The following ZNF407 variants were observed in gnomAD, a reference collection of about 807,000 sequenced individuals.
ZNF407 encodes the protein zinc finger protein 407.
ZNF407 carries 17 observed loss-of-function variants against 131.2 expected under a neutral mutation model. The observed-to-expected ratio is 0.13, with a 90% confidence interval of 0.09 to 0.19. ZNF407 has a LOEUF of 0.19. Among genes scored for constraint, ZNF407 ranks in the 10% least tolerant of loss-of-function variants. The pLI, the probability that ZNF407 is intolerant of heterozygous loss-of-function variation, is 1.00. For missense variants in ZNF407, 2,681 were observed against 2,830.6 expected (o/e 0.95, Z 1.20); for synonymous variants, 1,156 against 1,062.0 (o/e 1.09, Z -1.72).
chr18:74,634,765 T>G lies in ZNF407; in HGVS notation c.3746T>G (p.Leu1249Arg). Residue 1249 changes from leucine (L) to arginine (R), a missense_variant, in exon 2 of 9, where the codon CTG (leucine) becomes CGG (arginine). Leu to Arg is a moderately radical substitution (Grantham distance 102). Transcript: ENST00000299687. ...DGGGVVPHRH[L>R]CPVTLDGERS... Reference sequence around the variant, plus strand: ...GGAGGTGTTGTCCCCCACAGACACCTGTGCCCTGTGACGCTCGATGGGGAG... The same window carrying G: ...GGAGGTGTTGTCCCCCACAGACACCGGTGCCCTGTGACGCTCGATGGGGAG... 1 of 1,614,058 alleles carries G rather than the reference T, an allele frequency of 6.2e-7. No individual in the cohort carries two copies. The highest frequency in any genetic ancestry group is 8.5e-7 in the Non-Finnish European group (1 of 1,179,904).
chr18:74,717,919 G>C (rs993797847), intron 3 of ZNF407, among the ~76,000 whole-genome samples: 7 of 152,140 alleles, frequency 4.6e-5, no homozygotes, highest in African/African-American at 1.7e-4. Context: ...TGGATTTTCA[G>C]ATTAGGGATA....
chr18:74,828,468 C>A (rs892277823), intron 4 of ZNF407, among the ~76,000 whole-genome samples: 6 of 152,126 alleles, frequency 3.9e-5, no homozygotes, highest in African/African-American at 1.2e-4. Flanking sequence ...TTATATCTGA[C>A]GAGGCTGCTA....
At chr18:74,954,226 C>T (rs1203017352) in intron 8 of ZNF407, among the ~76,000 whole-genome samples, 1 of 152,118 alleles carries the variant, frequency 6.6e-6, no homozygotes, top group Admixed American at 6.5e-5. Flanking sequence ...TCTCAAAAAC[C>T]AACTTACCCA....
chr18:74,623,288 T>C (rs1295856990), intron 1 of ZNF407, among the ~76,000 whole-genome samples: 2 of 151,178 alleles, frequency 1.3e-5, no homozygotes, highest in Non-Finnish European at 3.0e-5. Context: ...GACTGCGTGT[T>C]TGAGTGCAAG....
chr18:74,713,758 A>G (rs1235483532), intron 3 of ZNF407, among the ~76,000 whole-genome samples: 1 of 152,148 alleles, frequency 6.6e-6, no homozygotes, highest in East Asian at 1.9e-4. Flanking sequence ...CTGTTTTTTT[A>G]AATTACTATT....
chr18:74,716,358 C>T (rs564338604), intron 3 of ZNF407, among the ~76,000 whole-genome samples: 3 of 152,284 alleles, frequency 2.0e-5, no homozygotes, highest in African/African-American at 4.8e-5. Flanking sequence ...TTATATTCCT[C>T]TTATTTCTAG....
chr18:74,844,540 A>G (rs1369035157), intron 4 of ZNF407, among the ~76,000 whole-genome samples: 2 of 152,332 alleles, frequency 1.3e-5, no homozygotes, highest in East Asian at 3.9e-4. Context: ...AGTAAGTTAA[A>G]TTAATACTTG....
In ZNF407 at chr18:74,997,898, A is replaced by G. The variant is rs1972798154; in HGVS notation, c.5429-65252A>G. Among the ~76,000 whole-genome samples, 3 of 152,290 alleles carry G rather than the reference A, an allele frequency of 2.0e-5. No individual in the cohort carries two copies. In the South Asian group the frequency reaches 6.2e-4, roughly 32 times the overall value. On this transcript the variant is annotated intron_variant, in intron 8 of 8. Coordinates refer to ENST00000299687, the MANE Select transcript of ZNF407 (RefSeq NM_017757.3). ...AGACATTTTTTCTACTCAATCTTAA[A>G]TTGATCACATGGCTCTGTTGTTCTT...
intron 1 of ZNF407, among the ~76,000 whole-genome samples, chr18:74,603,223 TTGA>T (rs1982659141): frequency 6.6e-6 from 1 of 152,078 alleles, no homozygotes; most frequent in African/African-American, 2.4e-5. Flanking sequence ...GCTATGAGAG[TTGA>T]TGATAAGGAA....
chr18:74,813,362 C>T (rs1159865635), intron 4 of ZNF407, among the ~76,000 whole-genome samples: 1 of 152,162 alleles, frequency 6.6e-6, no homozygotes, highest in African/African-American at 2.4e-5. Context: ...CTCTGCGCAG[C>T]TTCAGATCCA....
chr18:74,617,895 A>C (rs1225692737), intron 1 of ZNF407, among the ~76,000 whole-genome samples: 1 of 152,148 alleles, frequency 6.6e-6, no homozygotes, highest in African/African-American at 2.4e-5. Context: ...TTCTTGCTTG[A>C]TATGGTCTTT....
chr18:75,007,674 A>C (rs551867766), intron 8 of ZNF407, among the ~76,000 whole-genome samples: 2 of 152,304 alleles, frequency 1.3e-5, no homozygotes, highest in African/African-American at 4.8e-5. Flanking sequence ...TAATTGGTTC[A>C]ATTTTCTGAT....
chr18:74,973,566 T>C (rs1972496272), intron 8 of ZNF407, among the ~76,000 whole-genome samples: 1 of 152,216 alleles, frequency 6.6e-6, no homozygotes, highest in South Asian at 2.1e-4. Flanking sequence ...TTTATAATTA[T>C]TACATATGGC....
At chr18:74,827,489 G>A (rs1177990628) in intron 4 of ZNF407, among the ~76,000 whole-genome samples, 9 of 147,214 alleles carry the variant, frequency 6.1e-5, no homozygotes, top group Admixed American at 3.4e-4. Context: ...TTTTTCTGAT[G>A]CTCTATCATC....
intron 8 of ZNF407, among the ~76,000 whole-genome samples, chr18:75,006,560 T>TA (rs1351615644): frequency 1.3e-5 from 2 of 152,176 alleles, no homozygotes; most frequent in Non-Finnish European, 2.9e-5. Flanking sequence ...TGGTGGGTTT[T>TA]AAAAAAATTT....
intron 4 of ZNF407, among the ~76,000 whole-genome samples, chr18:74,813,837 CAG>C (rs2145092181): frequency 6.6e-6 from 1 of 152,228 alleles, no homozygotes; most frequent in East Asian, 1.9e-4. Context: ...CTTTGGTTTG[CAG>C]GATCTATATA....
chr18:74,782,283 CA>C, intron 4 of ZNF407, among the ~76,000 whole-genome samples: 1 of 152,232 alleles, frequency 6.6e-6, no homozygotes, highest in East Asian at 1.9e-4. Context: ...ATACTGTTTT[CA>C]AAAGTCACTA....
intron 3 of ZNF407, among the ~76,000 whole-genome samples, chr18:74,755,958 A>G (rs1328388003): frequency 2.6e-5 from 3 of 115,030 alleles, no homozygotes; most frequent in African/African-American, 3.4e-5. Flanking sequence ...CAGTGGCCCT[A>G]TCTCAGCTCA....
intron 3 of ZNF407, among the ~76,000 whole-genome samples, chr18:74,767,998 A>G (rs896415384): frequency 6.6e-6 from 1 of 151,962 alleles, no homozygotes; most frequent in Non-Finnish European, 1.5e-5. Context: ...AAAATAATTT[A>G]ATATATTTTC....
Sources: gnomAD v4.1 joint callset for allele counts (sites outside exome capture counted in the v4.1 genomes callset) on GRCh38, gnomAD v4.1.1 for gene constraint, MANE v1.5 for transcripts, NCBI Gene and HGNC (gene_info 2026-07-23, HGNC 2026-07-21) for gene names.